Variants in SLC35F3 observed in about 807,000 individuals in gnomAD.
The protein encoded by SLC35F3 is solute carrier family 35 member F3, also known as putative thiamine transporter SLC35F3.
In SLC35F3, 25 loss-of-function variants were observed where a neutral mutation model predicts 49.9. That is an observed-to-expected ratio of 0.50 (90% CI 0.37 to 0.70). The LOEUF (loss-of-function observed/expected upper bound fraction) is 0.70, where lower values mean the gene tolerates loss of function less well. Among genes scored for constraint, SLC35F3 ranks in the 30% least tolerant of loss-of-function variants. The probability of loss-of-function intolerance (pLI) is 0.00; values close to 1 mark genes in which losing one functional copy is unlikely to be tolerated. For synonymous variants in SLC35F3, 275 were observed against 265.4 expected (o/e 1.04, Z -0.35); for missense variants, 525 against 639.8 (o/e 0.82, Z 1.94).
At chr1:234,054,766 C>A (rs1007231071) in intron 2 of SLC35F3, among the ~76,000 whole-genome samples, 12 of 152,194 alleles carry the variant, frequency 7.9e-5, no homozygotes, top group Non-Finnish European at 1.6e-4. Flanking sequence ...TTCTCCCCAT[C>A]TTTGTGGTTT....
At chr1:234,083,183 T>C (rs1253564484) in intron 2 of SLC35F3, among the ~76,000 whole-genome samples, 1 of 152,212 alleles carries the variant, frequency 6.6e-6, no homozygotes. Flanking sequence ...TCTTCAAAAC[T>C]GCAACTATAC....
intron 3 of SLC35F3, among the ~76,000 whole-genome samples, chr1:234,249,891 T>C (rs1375905409): frequency 1.3e-5 from 2 of 152,260 alleles, no homozygotes; most frequent in African/African-American, 2.4e-5. Context: ...ATTAGGCTTC[T>C]GTGGTCAAAG....
intron 3 of SLC35F3, among the ~76,000 whole-genome samples, chr1:234,249,423 T>TCC (rs1667701064): frequency 6.6e-6 from 1 of 152,234 alleles, no homozygotes; most frequent in East Asian, 1.9e-4. Flanking sequence ...GAGAGGAACC[T>TCC]CCCCCTTATC....
intron 2 of SLC35F3, among the ~76,000 whole-genome samples, chr1:234,179,019 G>A (rs1666518714): frequency 6.6e-6 from 1 of 152,030 alleles, no homozygotes; most frequent in Non-Finnish European, 1.5e-5. Context: ...ACATGGAAAC[G>A]TGCACAGAGA....
rs192314226 is a variant in SLC35F3 at position 233,905,151 on chromosome 1, G to A, written c.53+21G>A. 58 of 1,551,192 alleles carry A rather than the reference G, an allele frequency of 3.7e-5. No individual in the cohort carries two copies. The East Asian group carries it at 1.0e-3, about 27-fold the overall frequency. ...GCCGTGTGAGTAGCGCCCCGGGCGT[G>A]GGTGAGCGAGCCGGCGGGCGGGAGG... is the stretch of plus-strand genomic sequence containing the variant. On this transcript the variant is annotated intron_variant, in intron 1 of 7. Coordinates refer to ENST00000366618, the MANE Select transcript of SLC35F3 (RefSeq NM_173508.4).
At chr1:234,076,987 GT>G (rs1025001276) in intron 2 of SLC35F3, among the ~76,000 whole-genome samples, 10 of 134,790 alleles carry the variant, frequency 7.4e-5, no homozygotes, top group East Asian at 4.7e-4. Flanking sequence ...AAAGAAAGAG[GT>G]TTTTTTTTTG....
chr1:234,082,671 G>A (rs1664896658), intron 2 of SLC35F3, among the ~76,000 whole-genome samples: 1 of 152,164 alleles, frequency 6.6e-6, no homozygotes, highest in East Asian at 1.9e-4. Flanking sequence ...TAAAGAAAAA[G>A]AGGTTTAATG....
At chr1:234,091,621 T>TA (rs1318579304) in intron 2 of SLC35F3, among the ~76,000 whole-genome samples, 11 of 152,344 alleles carry the variant, frequency 7.2e-5, no homozygotes, top group African/African-American at 2.6e-4. Flanking sequence ...TAACAACTCT[T>TA]ATTAATTTGG....
At chr1:234,055,534 G>A (rs1404320600) in intron 2 of SLC35F3, among the ~76,000 whole-genome samples, 1 of 152,184 alleles carries the variant, frequency 6.6e-6, no homozygotes, top group Non-Finnish European at 1.5e-5. Context: ...GGAGTTTCCC[G>A]ATTTTCCTGG....
At chr1:234,177,901 A>G (rs756736214) in intron 2 of SLC35F3, among the ~76,000 whole-genome samples, 13 of 152,194 alleles carry the variant, frequency 8.5e-5, no homozygotes, top group Non-Finnish European at 2.9e-5. Flanking sequence ...CTGTTGTGCA[A>G]TCATAGTACA....
intron 2 of SLC35F3, among the ~76,000 whole-genome samples, chr1:234,221,916 G>A (rs1466038659): frequency 6.6e-6 from 1 of 152,210 alleles, no homozygotes; most frequent in Non-Finnish European, 1.5e-5. Context: ...TTAATCATTA[G>A]CAGAGATTGG....
chr1:234,014,241 A>G (rs1468079631), intron 2 of SLC35F3, among the ~76,000 whole-genome samples: 1 of 152,248 alleles, frequency 6.6e-6, no homozygotes, highest in Admixed American at 6.5e-5. Context: ...CAAACGCCAT[A>G]TGATCATCTC....
At chr1:234,004,389 A>G (rs1663599271) in intron 2 of SLC35F3, among the ~76,000 whole-genome samples, 4 of 152,214 alleles carry the variant, frequency 2.6e-5, no homozygotes, top group Admixed American at 2.6e-4. Context: ...AGGAAACAAT[A>G]TTAACACACA....
intron 2 of SLC35F3, among the ~76,000 whole-genome samples, chr1:234,126,639 C>T (rs1030693875): frequency 1.3e-5 from 2 of 152,232 alleles, no homozygotes; most frequent in South Asian, 4.1e-4. Context: ...GCTTCTCCAA[C>T]CGCTGGAAGC....
intron 2 of SLC35F3, among the ~76,000 whole-genome samples, chr1:234,084,516 T>C (rs970610123): frequency 1.3e-5 from 2 of 152,220 alleles, no homozygotes; most frequent in Admixed American, 6.5e-5. Context: ...TTTATATACA[T>C]ATATATGCAT....
At chr1:234,102,646 A>G (rs903910613) in intron 2 of SLC35F3, among the ~76,000 whole-genome samples, 32 of 152,176 alleles carry the variant, frequency 2.1e-4, no homozygotes, top group African/African-American at 7.7e-4. Flanking sequence ...GAAACCCCAA[A>G]TGTCATCCAA....
intron 2 of SLC35F3, among the ~76,000 whole-genome samples, chr1:234,139,951 T>TAATAAAATTAAAATAAAATAAAATAA (rs1665868384): frequency 5.5e-5 from 5 of 90,564 alleles, no homozygotes; most frequent in Admixed American, 2.5e-4. Flanking sequence ...CATCTCAAAA[T>TAATAAAATTAAAATAAAATAAAATAA]AATAAAATAA....
chr1:234,246,822 G>A (rs1667637835), intron 3 of SLC35F3, among the ~76,000 whole-genome samples: 1 of 152,254 alleles, frequency 6.6e-6, no homozygotes, highest in East Asian at 1.9e-4. Context: ...GCAGAGCAGA[G>A]TGCTATTGTG....
chr1:233,960,787 C>T (rs1283779135), intron 2 of SLC35F3, among the ~76,000 whole-genome samples: 1 of 152,182 alleles, frequency 6.6e-6, no homozygotes, highest in African/African-American at 2.4e-5. Flanking sequence ...GTGAATGAGG[C>T]ATGTCTGAAA....
Sources: gnomAD v4.1 joint callset for allele counts (sites outside exome capture counted in the v4.1 genomes callset) on GRCh38, gnomAD v4.1.1 for gene constraint, MANE v1.5 for transcripts, NCBI Gene and HGNC (gene_info 2026-07-23, HGNC 2026-07-21) for gene names.